Variants in PALM2AKAP2 observed in about 807,000 individuals in gnomAD.
The protein encoded by PALM2AKAP2 is PALM2 and AKAP2 fusion.
In PALM2AKAP2, 37 loss-of-function variants were observed where a neutral mutation model predicts 71.5. The observed-to-expected ratio is 0.52, with a 90% CI of 0.40 to 0.68. PALM2AKAP2 has a LOEUF of 0.68. Ranked by LOEUF, PALM2AKAP2 falls within the 30% of genes least tolerant of loss-of-function variation. The pLI is 0.00. For synonymous variants in PALM2AKAP2, 468 were observed against 478.8 expected, an observed-to-expected ratio of 0.98 and a Z score of 0.29; for missense variants, 1,224 against 1,191.8, an observed-to-expected ratio of 1.03 and a Z score of -0.40.
rs77958072 is a variant in PALM2AKAP2 at position 109,695,161 on chromosome 9, A to C, written c.5+54295A>C. 2.3e-3 allele frequency among the ~76,000 whole-genome samples: 343 copies of C among 152,312 alleles called. 1 individual carries two copies. The highest frequency in any genetic ancestry group is 3.0e-3 in the Admixed American group (46 of 15,310). On this transcript the variant is annotated intron_variant, in intron 1 of 6. Coordinates refer to the PALM2AKAP2 transcript ENST00000374531. ...ACAAAATTGAAATGCTATTAAAAAG[A>C]ATAACACTTGACTATTAAAATGTTT...
At chr9:110,038,910 T>C (rs1564273320) in intron 7 of PALM2AKAP2, among the ~76,000 whole-genome samples, 2 of 83,074 alleles carry the variant, frequency 2.4e-5, no homozygotes, top group Admixed American at 3.3e-4. Flanking sequence ...CACTCCAGCC[T>C]GGCAACAAGA....
intron 6 of PALM2AKAP2, among the ~76,000 whole-genome samples, chr9:109,998,970 A>T (rs758101652): frequency 6.6e-6 from 1 of 152,032 alleles, no homozygotes; most frequent in Non-Finnish European, 1.5e-5. Context: ...ATGAGCTCCC[A>T]CTGTGTGCCA....
In PALM2AKAP2 at chr9:110,002,733, T is replaced by A. The variant is rs551295625; in HGVS notation, c.497-13221T>A. On this transcript the variant is annotated intron_variant, in intron 6 of 9. Coordinates refer to the PALM2AKAP2 transcript ENST00000302798. ...AGCCTGTTATTGGTCTATTCAGAGA[T>A]TCAACTTCTTCCTGGTTTAGTCTTG... Among the ~76,000 whole-genome samples, 503 of 152,308 alleles carry A rather than the reference T, an allele frequency of 3.3e-3. 1 individual carries two copies. Among genetic ancestry groups the A allele is most frequent in the African/African-American group, 0.011 (474 of 41,572 alleles).
intron 1 of PALM2AKAP2, among the ~76,000 whole-genome samples, chr9:110,084,491 C>A (rs1436295278): frequency 6.6e-6 from 1 of 152,080 alleles, no homozygotes; most frequent in Non-Finnish European, 1.5e-5. Flanking sequence ...CCAAGGATAT[C>A]CTTGGTAACT....
intron 3 of PALM2AKAP2, among the ~76,000 whole-genome samples, chr9:110,157,536 C>T (rs1194816961): frequency 6.6e-6 from 1 of 152,068 alleles, no homozygotes; most frequent in Non-Finnish European, 1.5e-5. Context: ...ATAGCTGGGA[C>T]CACACGCGTA....
At chr9:109,654,752 T>G (rs1162606906) in intron 1 of PALM2AKAP2, among the ~76,000 whole-genome samples, 1 of 147,198 alleles carries the variant, frequency 6.8e-6, no homozygotes, top group Non-Finnish European at 1.5e-5. Context: ...ATGTGTATGG[T>G]GTGTGTGTGT....
chr9:109,979,561 G>C (rs913616944), intron 6 of PALM2AKAP2, among the ~76,000 whole-genome samples: 1 of 152,180 alleles, frequency 6.6e-6, no homozygotes, highest in Non-Finnish European at 1.5e-5. Context: ...CTTTCTCTCT[G>C]CCTGTCTGCC....
At chr9:109,914,450 G>A (rs1830640399) in intron 3 of PALM2AKAP2, among the ~76,000 whole-genome samples, 1 of 152,222 alleles carries the variant, frequency 6.6e-6, no homozygotes, top group Non-Finnish European at 1.5e-5. Context: ...TTTGAGAGAA[G>A]GGGAGGATGG....
chr9:109,799,282 G>C (rs1358329619), intron 1 of PALM2AKAP2, among the ~76,000 whole-genome samples: 1 of 152,210 alleles, frequency 6.6e-6, no homozygotes, highest in East Asian at 1.9e-4. Context: ...AGAAGACCAG[G>C]TGTTCCAAGT....
At chr9:109,871,999 T>G (rs1829611967) in intron 2 of PALM2AKAP2, among the ~76,000 whole-genome samples, 1 of 152,218 alleles carries the variant, frequency 6.6e-6, no homozygotes, top group Non-Finnish European at 1.5e-5. Flanking sequence ...ATTTATTGAT[T>G]AATTCATCCT....
intron 1 of PALM2AKAP2, among the ~76,000 whole-genome samples, chr9:110,049,374 G>A (rs1833664901): frequency 6.6e-6 from 1 of 152,120 alleles, no homozygotes; most frequent in Non-Finnish European, 1.5e-5. Flanking sequence ...AGTCAGGGAG[G>A]GCCGGGCCCC....
chr9:110,051,669 A>G (rs1442180413), intron 1 of PALM2AKAP2, among the ~76,000 whole-genome samples: 2 of 152,230 alleles, frequency 1.3e-5, no homozygotes, highest in Admixed American at 1.3e-4. Context: ...TCTGAAGACC[A>G]AGGATAGACT....
chr9:109,648,595 G>C (rs561128427), intron 1 of PALM2AKAP2, among the ~76,000 whole-genome samples: 1 of 152,156 alleles, frequency 6.6e-6, no homozygotes, highest in Non-Finnish European at 1.5e-5. Flanking sequence ...TGTCATCAGG[G>C]AACAGGTTTC....
rs34958946 is a variant in PALM2AKAP2 at position 110,111,086 on chromosome 9, CTTTT to C, written c.157-25021_157-25018del. Among the ~76,000 whole-genome samples, 547 of 84,126 alleles carry C rather than the reference CTTTT, an allele frequency of 6.5e-3. 3 individuals are homozygous for C. Among genetic ancestry groups the C allele is most frequent in the African/African-American group, 0.025 (510 of 20,280 alleles). 55.2% of individuals were successfully genotyped at this position (84,126 alleles called of 152,430 possible). On this transcript the variant is annotated intron_variant, in intron 1 of 3. Coordinates refer to ENST00000374525, the Ensembl canonical transcript of PALM2AKAP2. ...TCCTTTTTTCTTTTCTTTCTTTCTT[CTTTT>C]TTTTTTTTTTTTTTTTTTTGAGACG...
intron 1 of PALM2AKAP2, among the ~76,000 whole-genome samples, chr9:110,129,313 T>C (rs763604026): frequency 6.6e-6 from 1 of 152,168 alleles, no homozygotes; most frequent in Non-Finnish European, 1.5e-5. Context: ...AAGCAAAAGA[T>C]CAACCAAAAA....
intron 1 of PALM2AKAP2, among the ~76,000 whole-genome samples, chr9:110,091,839 C>T (rs1834723294): frequency 2.0e-5 from 3 of 152,124 alleles, no homozygotes; most frequent in African/African-American, 7.2e-5. Flanking sequence ...TAGATAAATG[C>T]TTACAGTTGA....
At chr9:109,923,895 G>T in intron 4 of PALM2AKAP2, 46 bp downstream of exon 4, 73 of 1,501,564 alleles carry the variant, frequency 4.9e-5, no homozygotes, top group Non-Finnish European at 6.4e-5. Flanking sequence ...CCATGGGGAA[G>T]TAGGGCCTAG....
intron 1 of PALM2AKAP2, among the ~76,000 whole-genome samples, chr9:109,657,976 C>G (rs931814186): frequency 8.0e-5 from 8 of 99,570 alleles, no homozygotes; most frequent in African/African-American, 1.1e-4. Flanking sequence ...GTGTGTGTGT[C>G]AGGTTGTATG....
At chr9:109,918,444 C>A (rs1234303586) in intron 3 of PALM2AKAP2, among the ~76,000 whole-genome samples, 1 of 152,182 alleles carries the variant, frequency 6.6e-6, no homozygotes, top group Non-Finnish European at 1.5e-5. Context: ...TTGCTTTTTG[C>A]TCAGAAGGAA....
Sources: gnomAD v4.1 joint callset for allele counts (sites outside exome capture counted in the v4.1 genomes callset) on GRCh38, gnomAD v4.1.1 for gene constraint, MANE v1.5 for transcripts, NCBI Gene and HGNC (gene_info 2026-07-23, HGNC 2026-07-21) for gene names.